ARHGAP23: variants seen among roughly 807,000 people sequenced by gnomAD.
The protein encoded by ARHGAP23 is rho GTPase-activating protein 23.
Under a neutral mutation model 136.3 loss-of-function variants are expected in ARHGAP23, and 34 were observed. The ratio of observed to expected loss-of-function variants is 0.25; its 90% confidence interval spans 0.19 to 0.33. The LOEUF (loss-of-function observed/expected upper bound fraction) is 0.33. ARHGAP23 is among the 10% of genes least tolerant of loss of function. The probability of loss-of-function intolerance (pLI) is 1.00; values close to 1 mark genes in which losing one functional copy is unlikely to be tolerated. For synonymous variants in ARHGAP23, 832 were observed against 920.5 expected (o/e 0.90, Z 1.74); for missense variants, 1,808 against 2,139.0 (o/e 0.85, Z 3.05).
At chr17:38,465,006 G>A (rs890149294) in intron 6 of ARHGAP23, among the ~76,000 whole-genome samples, 1 of 152,062 alleles carries the variant, frequency 6.6e-6, no homozygotes, top group Non-Finnish European at 1.5e-5. Context: ...TCGGGTGGGG[G>A]TGAGGGGGAG....
rs528720455 is a variant in ARHGAP23 at position 38,467,110 on chromosome 17, G to T, written c.1427G>T (p.Arg476Leu). Reference protein sequence around the residue: ...PRVVRPEPSTRALEPPAEDRG... With the variant: ...PRVVRPEPSTLALEPPAEDRG... Reference sequence around the variant, plus strand: ...GTTGTACGGCCGGAACCCAGCACCCGGGCCCTGGAGCCTCCTGCGGAGGAT... The same window carrying T: ...GTTGTACGGCCGGAACCCAGCACCCTGGCCCTGGAGCCTCCTGCGGAGGAT... The change falls in exon 7 of 24, where the codon CGG becomes CTG. Residue 476 changes from arginine (R) to leucine (L), a missense_variant. By Grantham distance (102) the Arg-to-Leu change is moderately radical. Transcript: ENST00000622683. 6.5e-7 allele frequency: 1 copy of T among 1,550,332 alleles called. No individual in the cohort carries two copies. Among genetic ancestry groups the T allele is most frequent in the Non-Finnish European group, 8.7e-7 (1 of 1,146,680 alleles).
At chr17:38,470,559 CAG>C (rs1193348153) in intron 10 of ARHGAP23, among the ~76,000 whole-genome samples, 5 of 152,184 alleles carry the variant, frequency 3.3e-5, no homozygotes, top group East Asian at 1.9e-4. Flanking sequence ...TGTTTTGAGA[CAG>C]AGTCTCACTC....
intron 7 of ARHGAP23, among the ~76,000 whole-genome samples, chr17:38,468,391 G>A (rs2039664406): frequency 6.6e-6 from 1 of 152,098 alleles, no homozygotes; most frequent in Admixed American, 6.5e-5. Context: ...AGTGAGAGGG[G>A]GACAAAGTTC....
intron 21 of ARHGAP23, 59 bp downstream of exon 21, chr17:38,497,885 T>G: frequency 1.3e-6 from 2 of 1,511,716 alleles, no homozygotes; most frequent in East Asian, 4.9e-5. Context: ...GCCCCAGTCC[T>G]TGGGGGTGGG....
chr17:38,510,348 C>A lies in ARHGAP23; in HGVS notation c.3852C>A (p.His1284Gln). The A allele has an allele frequency of 8.0e-7, 1 of 1,251,092 alleles. No individual in the cohort carries two copies. The highest frequency in any genetic ancestry group is 3.3e-5 in the South Asian group (1 of 29,960). The allele number at this position is 1,251,092 out of a possible 1,614,324, so 77.5% of individuals were successfully genotyped here. ...ACGACGAGCGTAGCGAGCTGAGCCACGTGGAGACGGACACTGAGGGCGCGG... is the reference window on the plus strand; with the variant it reads ...ACGACGAGCGTAGCGAGCTGAGCCAAGTGGAGACGGACACTGAGGGCGCGG... ...EADDERSELSHVETDTEGAAG... is the reference protein window; with the variant it reads ...EADDERSELSQVETDTEGAAG... Residue 1284 changes from histidine (H) to glutamine (Q), a missense_variant, in exon 24 of 24, where the codon CAC (histidine) becomes CAA (glutamine). By Grantham distance (24) the His-to-Gln change is conservative. Coordinates refer to ENST00000622683, the MANE Select transcript of ARHGAP23 (RefSeq NM_001199417.2). This position sits in a 1 kb window ranked among gnomAD's most constrained non-coding sequence, Gnocchi z 4.6.
At chr17:38,485,718 G>A (rs1166407823) in intron 16 of ARHGAP23, among the ~76,000 whole-genome samples, 2 of 152,172 alleles carry the variant, frequency 1.3e-5, no homozygotes, top group East Asian at 1.9e-4. Context: ...GGAAGGAGCC[G>A]GCACGAATGA....
chr17:38,511,170 G>T lies in ARHGAP23; in HGVS notation c.*198G>T, dbSNP rs1205885039. The T allele has an allele frequency of 1.9e-5, 11 of 588,100 alleles. No individual in the cohort carries two copies. Among genetic ancestry groups the T allele is most frequent in the Non-Finnish European group, 3.0e-5 (11 of 370,538 alleles). The allele number at this position is 588,100 out of a possible 1,614,324, so 36.4% of individuals were successfully genotyped here. A position where few individuals can be genotyped will look rare whatever the true frequency, so the allele number is the denominator to read the frequency against. ...AGGCTGGGGCCGGACTAATTGAATG[G>T]AAGGGGGTTCCAGAGGTGATGAGCA... On this transcript the variant is annotated 3_prime_UTR_variant, in exon 24 of 24. Coordinates refer to ENST00000622683, the MANE Select transcript of ARHGAP23 (RefSeq NM_001199417.2).
rs921104397 is a variant in ARHGAP23, at chr17:38,467,061, C to T, written c.1378C>T (p.Pro460Ser). 2.6e-6 allele frequency: 4 copies of T among 1,550,988 alleles called. No individual in the cohort carries two copies. Among genetic ancestry groups the T allele is most frequent in the Non-Finnish European group, 3.5e-6 (4 of 1,146,962 alleles). Residue 460 changes from proline (P) to serine (S), a missense_variant, in exon 7 of 24, where the codon CCA (proline) becomes TCA (serine). Around this residue, in one of 7 missense-constraint regions of ARHGAP23, gnomAD observed 859 missense variants for 936.4 expected, o/e 0.92. Transcript: ENST00000622683. ...GGCCCAGTCCCCTGCGTCATTCCCACCAGAGGCCTCCGAGCCACCCAGGGT... is the reference window on the plus strand; with the variant it reads ...GGCCCAGTCCCCTGCGTCATTCCCATCAGAGGCCTCCGAGCCACCCAGGGT... ...NLAQSPASFPPEASEPPRVVR... is the reference protein window; with the variant it reads ...NLAQSPASFPSEASEPPRVVR...
intron 14 of ARHGAP23, among the ~76,000 whole-genome samples, chr17:38,480,821 AAAAG>A (rs1321705433): frequency 8.6e-5 from 13 of 150,680 alleles, no homozygotes; most frequent in Non-Finnish European, 1.5e-4. Context: ...AAAAAAAAAA[AAAAG>A]AAAGAAAGTT....
At chr17:38,482,948 G>A (rs2040080052) in intron 16 of ARHGAP23, among the ~76,000 whole-genome samples, 2 of 152,182 alleles carry the variant, frequency 1.3e-5, no homozygotes, top group Admixed American at 6.5e-5. Context: ...AGTTTTGTCC[G>A]AGTGTTTAGG....
rs1367190193 is a variant in ARHGAP23 at position 38,511,270 on chromosome 17, C to T, written c.*298C>T. On this transcript the variant is annotated 3_prime_UTR_variant, in exon 24 of 24. Transcript: ENST00000622683. ...GCCCGATAGGTCCTTCTGAGCCTTT[C>T]TGTGGCTGCACTTGGGGACCCTTGT... is the stretch of plus-strand genomic sequence containing the variant. The T allele has an allele frequency of 2.8e-6, 1 of 358,922 alleles. No individual in the cohort carries two copies. The highest frequency in any genetic ancestry group is 5.0e-6 in the Non-Finnish European group (1 of 201,398). The allele number at this position is 358,922 out of a possible 1,614,324, so 22.2% of individuals were successfully genotyped here.
Position 38,510,958 on chromosome 17 carries a change from C to A in ARHGAP23, c.4462C>A (p.His1488Asn). 6.9e-7 allele frequency: 1 copy of A among 1,454,670 alleles called. No homozygotes were observed. The highest frequency in any genetic ancestry group is 1.4e-5 in the South Asian group (1 of 72,644). 90.1% of individuals were successfully genotyped at this position (1,454,670 alleles called of 1,614,324 possible). ...PPRRSAASRLHQCL is the reference protein window; with the variant it reads ...PPRRSAASRLNQCL The stretch of plus-strand genomic sequence containing the variant: ...GCGCCGCTCGGCCGCCTCCCGCCTG[C>A]ATCAGTGTCTGTGATCCCCACCTCC... The change falls in exon 24 of 24, where the codon CAT (histidine) becomes AAT (asparagine). Residue 1488 changes from histidine to asparagine, a missense_variant. His to Asn is a moderately conservative substitution (Grantham distance 68, BLOSUM62 1). This residue lies in a region of ARHGAP23 where 506 missense variants were observed against 455.8 expected (regional missense o/e 1.11). Coordinates refer to ENST00000622683, the MANE Select transcript of ARHGAP23 (RefSeq NM_001199417.2). The surrounding 1 kb of genome is among the most constrained non-coding windows in gnomAD (Gnocchi z 4.6).
intron 1 of ARHGAP23, among the ~76,000 whole-genome samples, chr17:38,419,988 G>A (rs576544212): frequency 6.6e-6 from 1 of 152,330 alleles, no homozygotes; most frequent in South Asian, 2.1e-4. Context: ...GGTGGGCTAA[G>A]AGGCTTTCTC....
At chr17:38,444,739 C>T (rs1243425690) in intron 1 of ARHGAP23, among the ~76,000 whole-genome samples, 1 of 151,890 alleles carries the variant, frequency 6.6e-6, no homozygotes, top group Non-Finnish European at 1.5e-5. Context: ...CAGGAGGTGC[C>T]CAGCTCCTGG....
chr17:38,452,828 C>T (rs535663928), intron 1 of ARHGAP23, among the ~76,000 whole-genome samples: 2 of 152,302 alleles, frequency 1.3e-5, no homozygotes, highest in African/African-American at 4.8e-5. Context: ...ATGGCGCTTC[C>T]CATCTGGCTC....
intron 23 of ARHGAP23, among the ~76,000 whole-genome samples, chr17:38,509,391 G>GCGGAAAGGGGAGGA (rs2040704116): frequency 6.6e-6 from 1 of 152,142 alleles, no homozygotes; most frequent in Non-Finnish European, 1.5e-5. Flanking sequence ...GTGGGGTCCG[G>GCGGAAAGGGGAGGA]CGGAAAGGGG....
chr17:38,419,871 C>T (rs989852394), intron 1 of ARHGAP23, among the ~76,000 whole-genome samples: 1 of 149,244 alleles, frequency 6.7e-6, no homozygotes, highest in African/African-American at 2.5e-5. Flanking sequence ...TACGCCGGTC[C>T]CCTCCCCCTA....
Position 38,428,543 on chromosome 17 carries a change from C to G in ARHGAP23, c.58C>G (p.Pro20Ala). The change falls in exon 1 of 24, where the codon CCA (proline) becomes GCA (alanine). Residue 20 changes from proline (P) to alanine (A), a missense_variant. Transcript: ENST00000622683. ...CCCGCCCCGCCCGGAGCCCCGGCCC[C>G]CACAGGTGAGGGTGCTGGGCCAGGG... ...GIPPRPEPRP[P>A]QLPLGPRDGC... The G allele has an allele frequency of 6.9e-7, 1 of 1,451,174 alleles. No individual in the cohort carries two copies. The highest frequency in any genetic ancestry group is 9.1e-7 in the Non-Finnish European group (1 of 1,104,766). 89.9% of individuals were successfully genotyped at this position (1,451,174 alleles called of 1,614,324 possible). A position where few individuals can be genotyped will look rare whatever the true frequency, so the allele number is the denominator to read the frequency against.
At chr17:38,442,985 T>C (rs1348069368) in intron 1 of ARHGAP23, among the ~76,000 whole-genome samples, 1 of 152,200 alleles carries the variant, frequency 6.6e-6, no homozygotes, top group African/African-American at 2.4e-5. Context: ...CCATAATACC[T>C]GATTCTTGGT....
Sources: gnomAD v4.1 joint callset for allele counts (sites outside exome capture counted in the v4.1 genomes callset) on GRCh38, gnomAD v4.1.1 for gene constraint, gnomAD v4.1.1 regional missense constraint, Gnocchi (gnomAD v3.1) non-coding constraint, MANE v1.5 for transcripts, NCBI Gene and HGNC (gene_info 2026-07-23, HGNC 2026-07-21) for gene names.